The following GAB2 variants were observed in gnomAD, a reference collection of about 807,000 sequenced individuals.
GAB2 encodes the protein GRB2-associated-binding protein 2.
Under a neutral mutation model 65.5 loss-of-function variants are expected in GAB2, and 26 were observed. That is an observed-to-expected ratio of 0.40 (90% CI 0.29 to 0.55). The LOEUF (loss-of-function observed/expected upper bound fraction) is 0.55. GAB2 is among the 20% of genes least tolerant of loss of function. GAB2 has a pLI of 0.53. For synonymous variants in GAB2, 321 were observed against 329.6 expected, an observed-to-expected ratio of 0.97 and a Z score of 0.28; for missense variants, 884 against 875.8, an observed-to-expected ratio of 1.01 and a Z score of -0.12.
At chr11:78,354,469 A>T (rs1468113690) in intron 1 of GAB2, among the ~76,000 whole-genome samples, 2 of 152,096 alleles carry the variant, frequency 1.3e-5, no homozygotes, top group Non-Finnish European at 2.9e-5. Context: ...AATTGCTGAA[A>T]ACTAAAATGT....
intron 1 of GAB2, among the ~76,000 whole-genome samples, chr11:78,354,532 G>C (rs945683759): frequency 6.6e-6 from 1 of 152,028 alleles, no homozygotes; most frequent in African/African-American, 2.4e-5. Flanking sequence ...ACGACAACAG[G>C]ACTGGTCATC....
intron 2 of GAB2, among the ~76,000 whole-genome samples, chr11:78,272,519 G>T (rs1018553255): frequency 6.6e-6 from 1 of 152,152 alleles, no homozygotes; most frequent in South Asian, 2.1e-4. Flanking sequence ...GATGATTCAG[G>T]GCATCTGGGG....
intron 3 of GAB2, among the ~76,000 whole-genome samples, chr11:78,236,264 A>AT (rs1461809538): frequency 1.3e-5 from 2 of 152,186 alleles, no homozygotes; most frequent in African/African-American, 2.4e-5. Context: ...TGTAAAACTT[A>AT]TTTTTTGCAT....
chr11:78,251,725 C>T (rs1865460620), intron 2 of GAB2, among the ~76,000 whole-genome samples: 1 of 150,466 alleles, frequency 6.6e-6, no homozygotes, highest in Non-Finnish European at 1.5e-5. Flanking sequence ...TATTCTCTCC[C>T]AAATCTTCCT....
intron 1 of GAB2, among the ~76,000 whole-genome samples, chr11:78,309,865 G>A (rs1855450714): frequency 6.6e-6 from 1 of 151,636 alleles, no homozygotes; most frequent in Non-Finnish European, 1.5e-5. Context: ...GCAGAGAGAG[G>A]TGTCTGGTTA....
intron 2 of GAB2, among the ~76,000 whole-genome samples, chr11:78,273,748 T>C (rs1866083597): frequency 6.6e-6 from 1 of 152,224 alleles, no homozygotes; most frequent in Non-Finnish European, 1.5e-5. Flanking sequence ...ATGGTTTGGC[T>C]GTGTCCCCAC....
At chr11:78,325,611 G>A (rs894159034) in intron 1 of GAB2, among the ~76,000 whole-genome samples, 3 of 152,160 alleles carry the variant, frequency 2.0e-5, no homozygotes, top group African/African-American at 7.2e-5. Flanking sequence ...AGCCCTGGGG[G>A]TTTATGATGC....
intron 2 of GAB2, among the ~76,000 whole-genome samples, chr11:78,265,800 T>C (rs887837084): frequency 1.3e-5 from 2 of 152,180 alleles, no homozygotes; most frequent in Non-Finnish European, 2.9e-5. Context: ...GATGAGAATG[T>C]TTTTAAAGCT....
chr11:78,235,385 C>T (rs953846513), intron 3 of GAB2, among the ~76,000 whole-genome samples: 1 of 152,072 alleles, frequency 6.6e-6, no homozygotes, highest in African/African-American at 2.4e-5. Context: ...ATCTCCTGAC[C>T]TTGAGATCCG....
At chr11:78,380,063 G>A (rs1031517797) in intron 1 of GAB2, among the ~76,000 whole-genome samples, 1 of 152,158 alleles carries the variant, frequency 6.6e-6, no homozygotes, top group African/African-American at 2.4e-5. Flanking sequence ...CTTTACCAAT[G>A]TTTCATTTAT....
chr11:78,268,941 G>A (rs1255045549), intron 2 of GAB2, among the ~76,000 whole-genome samples: 1 of 152,136 alleles, frequency 6.6e-6, no homozygotes, highest in Non-Finnish European at 1.5e-5. Flanking sequence ...CTGTTCTGTG[G>A]ATGACTAGAA....
intron 1 of GAB2, among the ~76,000 whole-genome samples, chr11:78,295,173 A>T (rs1453190914): frequency 6.6e-6 from 1 of 152,252 alleles, no homozygotes; most frequent in African/African-American, 2.4e-5. Context: ...ATGCAAATCA[A>T]AACCACCATG....
At chr11:78,401,186 C>A (rs1856967002) in intron 1 of GAB2, among the ~76,000 whole-genome samples, 2 of 152,076 alleles carry the variant, frequency 1.3e-5, no homozygotes, top group Non-Finnish European at 2.9e-5. Context: ...GTGTACAGCT[C>A]AGTGGCATTA....
intron 3 of GAB2, among the ~76,000 whole-genome samples, chr11:78,235,887 C>T (rs1345854367): frequency 3.3e-5 from 5 of 152,186 alleles, no homozygotes; most frequent in South Asian, 4.1e-4. Context: ...GTTCCAAAGT[C>T]GCTTCCACAT....
rs372693456 is a variant in GAB2, at chr11:78,233,040, G to GTTTTTTTTTTTTTT, written c.621-6003_621-5990dup. On this transcript the variant is annotated intron_variant, in intron 3 of 9. Coordinates refer to ENST00000361507, the MANE Select transcript of GAB2 (RefSeq NM_080491.3). ...ACTTACCAATACCTGGCACTGTTAA[G>GTTTTTTTTTTTTTT]TTTTTTTTTTTTTTTTGGTGACAAG... Among the ~76,000 whole-genome samples, 280 of 131,920 alleles carry GTTTTTTTTTTTTTT rather than the reference G, an allele frequency of 2.1e-3. 20 individuals are homozygous for GTTTTTTTTTTTTTT. Among genetic ancestry groups the GTTTTTTTTTTTTTT allele is most frequent in the African/African-American group, 7.9e-3 (261 of 33,224 alleles). The allele number at this position is 131,920 out of a possible 152,430, so 86.5% of individuals were successfully genotyped here. A position where few individuals can be genotyped will look rare whatever the true frequency, so the allele number is the denominator to read the frequency against.
chr11:78,346,721 A>AT (rs1491548868), intron 1 of GAB2, among the ~76,000 whole-genome samples: 1,957 of 34,356 alleles, frequency 0.057, 92 homozygotes, highest in South Asian at 0.091. Context: ...ATATATATAT[A>AT]ATTTTTTTTT....
chr11:78,330,048 G>T (rs921118404), intron 1 of GAB2, among the ~76,000 whole-genome samples: 6 of 152,116 alleles, frequency 3.9e-5, no homozygotes, highest in African/African-American at 1.4e-4. Flanking sequence ...TGTTTTATGC[G>T]GCTGAGGTAT....
Position 78,301,216 on chromosome 11 carries a change from G to A in GAB2, c.76-20315C>T, listed in dbSNP as rs1229413813. On this transcript the variant is annotated intron_variant, in intron 1 of 9. Coordinates refer to ENST00000361507, the MANE Select transcript of GAB2 (RefSeq NM_080491.3). ...TATACACACACATAATGGGAGCAAG[G>A]GAGGACATTTTCTCCCAGTCTGTGG... 2.0e-5 allele frequency among the ~76,000 whole-genome samples: 3 copies of A among 152,056 alleles called. No homozygotes were observed. The East Asian group carries it at 5.8e-4, about 29-fold the overall frequency.
At chr11:78,328,990 G>C (rs1193627398) in intron 1 of GAB2, among the ~76,000 whole-genome samples, 2 of 152,118 alleles carry the variant, frequency 1.3e-5, no homozygotes, top group East Asian at 3.8e-4. Flanking sequence ...AAAGTATTTA[G>C]GGAGAAATAT....
Sources: allele counts gnomAD v4.1 joint callset (sites outside exome capture counted in the v4.1 genomes callset), GRCh38; gene constraint gnomAD v4.1.1; transcripts MANE v1.5; gene names NCBI Gene and HGNC (gene_info 2026-07-23, HGNC 2026-07-21).